The following ABCB7 variants were observed in gnomAD, a reference collection of about 807,000 sequenced individuals.
ABCB7 encodes the protein iron-sulfur clusters transporter ABCB7, mitochondrial.
Under a neutral mutation model 54.4 loss-of-function variants are expected in ABCB7, and 7 were observed. The observed-to-expected ratio is 0.13, with a 90% CI of 0.07 to 0.24. ABCB7 has a LOEUF of 0.24. ABCB7 is among the 10% of genes least tolerant of loss of function. The pLI, the probability that ABCB7 is intolerant of heterozygous loss-of-function variation, is 1.00. For synonymous variants in ABCB7, 218 were observed against 207.1 expected (o/e 1.05, Z -0.45); for missense variants, 356 against 570.4 (o/e 0.62, Z 3.83).
chrX:75,078,098 G>C (rs914265035), intron 4 of ABCB7, among the ~76,000 whole-genome samples: 2 of 109,613 alleles, frequency 1.8e-5, no homozygotes, highest in African/African-American at 6.6e-5. Context: ...ATTTTTAGTA[G>C]AGACAGGGTT....
At chrX:75,106,229 C>T (rs2081699790) in intron 3 of ABCB7, among the ~76,000 whole-genome samples, 2 of 111,077 alleles carry the variant, frequency 1.8e-5, no homozygotes, top group Admixed American at 1.9e-4. Flanking sequence ...AACTAATATC[C>T]AGGATCTAAA....
chrX:75,075,745 T>C, intron 5 of ABCB7, 115 bp from the exon 6 acceptor site: 2 of 708,253 alleles, frequency 2.8e-6, no homozygotes, highest in Non-Finnish European at 4.1e-6. Flanking sequence ...TGAATGAATA[T>C]ATCACAGAAT....
intron 1 of ABCB7, 26 bp from the exon 2 acceptor site, chrX:75,114,857 G>A: frequency 1.8e-6 from 2 of 1,126,611 alleles, no homozygotes; most frequent in Non-Finnish European, 2.4e-6. Flanking sequence ...AAAAGTAGGG[G>A]GAAGTTTCAG....
intron 3 of ABCB7, 135 bp downstream of exon 3, chrX:75,112,750 GT>G (rs4148838): frequency 2.9e-5 from 11 of 385,062 alleles, no homozygotes; most frequent in African/African-American, 1.0e-4. Flanking sequence ...CAATTAATAT[GT>G]TTTTTTTTTC....
chrX:75,063,521 G>C (rs1017502928), intron 13 of ABCB7, among the ~76,000 whole-genome samples: 2 of 110,642 alleles, frequency 1.8e-5, no homozygotes, highest in Non-Finnish European at 3.8e-5. Context: ...ATTTATGCTA[G>C]CCATACGCTT....
intron 4 of ABCB7, among the ~76,000 whole-genome samples, chrX:75,088,875 CA>C (rs1249446474): frequency 4.1e-5 from 4 of 98,370 alleles, no homozygotes; most frequent in African/African-American, 3.6e-5. Context: ...ACAACAACAA[CA>C]AAAAAAAAAC....
chrX:75,155,210 C>A (rs2082164580), intron 1 of ABCB7, among the ~76,000 whole-genome samples: 1 of 112,948 alleles, frequency 8.9e-6, no homozygotes, highest in Non-Finnish European at 1.9e-5. Context: ...TAGCACAGGG[C>A]TATGTACAAG....
intron 3 of ABCB7, among the ~76,000 whole-genome samples, chrX:75,109,192 C>T (rs770213868): frequency 8.9e-6 from 1 of 112,277 alleles, no homozygotes; most frequent in African/African-American, 3.2e-5. Flanking sequence ...AAGAGAAGCA[C>T]TGCCTCATGG....
chrX:75,149,566 T>C (rs2082116863), intron 1 of ABCB7, among the ~76,000 whole-genome samples: 1 of 111,845 alleles, frequency 8.9e-6, no homozygotes, highest in Non-Finnish European at 1.9e-5. Flanking sequence ...TAGAGTTTAA[T>C]CATTCATTTT....
intron 3 of ABCB7, 94 bp downstream of exon 3, chrX:75,112,792 C>A: frequency 1.4e-6 from 1 of 710,639 alleles, no homozygotes. Context: ...ATGAGTCAAT[C>A]AAAATATTCT....
intron 3 of ABCB7, among the ~76,000 whole-genome samples, chrX:75,106,715 A>G (rs1392039335): frequency 8.9e-6 from 1 of 111,920 alleles, no homozygotes; most frequent in Admixed American, 9.4e-5. Context: ...AGCACAATTC[A>G]TACTAGCAAA....
intron 13 of ABCB7, among the ~76,000 whole-genome samples, chrX:75,063,586 C>T (rs915353734): frequency 1.8e-5 from 2 of 110,820 alleles, no homozygotes; most frequent in Non-Finnish European, 3.8e-5. Flanking sequence ...TAAGTACTAT[C>T]TTCCCGCCTA....
chrX:75,115,176 G>A lies in ABCB7; in HGVS notation c.169-345C>T, dbSNP rs1305633720. ...CCAGTTACTCAGGAGGTTGAAGCAGGAGAATCGCTTCAACCCAGGAGGTGG... is the reference window on the plus strand; with the variant it reads ...CCAGTTACTCAGGAGGTTGAAGCAGAAGAATCGCTTCAACCCAGGAGGTGG... On this transcript the variant is annotated intron_variant, in intron 1 of 15. Coordinates refer to ENST00000373394, the MANE Select transcript of ABCB7 (RefSeq NM_001271696.3). Among the ~76,000 whole-genome samples the A allele has an allele frequency of 8.1e-5, 8 of 98,416 alleles. No homozygotes were observed. In the Admixed American group the frequency reaches 9.5e-4, roughly 12 times the overall value. 85.5% of individuals were successfully genotyped at this position (98,416 alleles called of 115,157 possible). A position where few individuals can be genotyped will look rare whatever the true frequency, so the allele number is the denominator to read the frequency against.
intron 1 of ABCB7, among the ~76,000 whole-genome samples, chrX:75,150,478 T>G (rs1244639774): frequency 2.7e-5 from 3 of 110,912 alleles, no homozygotes; most frequent in Non-Finnish European, 5.7e-5. Context: ...TGGTCAAGAC[T>G]GAGCACCAAG....
chrX:75,051,955 T>C lies in ABCB7; in HGVS notation c.*1415A>G, dbSNP rs1187799478. 1.8e-5 allele frequency: 2 copies of C among 112,147 alleles called. No individual in the cohort carries two copies. The highest frequency in any genetic ancestry group is 1.9e-4 in the Admixed American group (2 of 10,588). 9.2% of individuals were successfully genotyped at this position (112,147 alleles called of 1,213,427 possible). ...TCTAAGCTTTTCAGATTACTCCCAG[T>C]ATAGCAACTTTCAAATTACATAGGA... On this transcript the variant is annotated 3_prime_UTR_variant, in exon 16 of 16. Transcript: ENST00000373394.
At chrX:75,141,488 T>C (rs920057426) in intron 1 of ABCB7, among the ~76,000 whole-genome samples, 6 of 111,438 alleles carry the variant, frequency 5.4e-5, no homozygotes, top group Admixed American at 1.9e-4. Flanking sequence ...TTAGATCATA[T>C]GCATTTTCCC....
intron 1 of ABCB7, among the ~76,000 whole-genome samples, chrX:75,136,490 T>C (rs1276673459): frequency 9.0e-6 from 1 of 111,422 alleles, no homozygotes; most frequent in Admixed American, 9.6e-5. Flanking sequence ...GAAAAAAACA[T>C]TCTAAAATTA....
intron 7 of ABCB7, 23 bp downstream of exon 7, chrX:75,073,845 G>T (rs939899494): frequency 2.5e-6 from 3 of 1,194,662 alleles, no homozygotes; most frequent in African/African-American, 1.8e-5. Context: ...TAAATTTTAT[G>T]TGGCTTCTAG....
chrX:75,069,717 G>T (rs776178871), intron 10 of ABCB7, among the ~76,000 whole-genome samples: 12 of 110,031 alleles, frequency 1.1e-4, no homozygotes, highest in Non-Finnish European at 1.9e-4. Context: ...TAATGGGCAG[G>T]GGAGGAAAGG....
Sources: allele counts gnomAD v4.1 joint callset (sites outside exome capture counted in the v4.1 genomes callset), GRCh38; gene constraint gnomAD v4.1.1; transcripts MANE v1.5; gene names NCBI Gene and HGNC (gene_info 2026-07-23, HGNC 2026-07-21).